Variants in SUMF1 observed in about 807,000 individuals in gnomAD.
SUMF1 encodes sulfatase modifying factor 1.
Under a neutral mutation model 47.6 loss-of-function variants are expected in SUMF1, and 48 were observed. That is an observed-to-expected ratio of 1.01 (90% CI 0.80 to 1.28). The LOEUF is 1.28. Ranked by LOEUF, SUMF1 falls within the 50% of genes most tolerant of loss-of-function variation. The probability of loss-of-function intolerance (pLI) is 0.00; values close to 1 mark genes in which losing one functional copy is unlikely to be tolerated. For missense variants in SUMF1, 571 were observed against 485.4 expected, an observed-to-expected ratio of 1.18 and a Z score of -1.66; for synonymous variants, 230 against 192.1, an observed-to-expected ratio of 1.20 and a Z score of -1.63.
intron 8 of SUMF1, among the ~76,000 whole-genome samples, chr3:4,198,695 G>C (rs553053311): frequency 2.0e-5 from 3 of 151,998 alleles, no homozygotes; most frequent in Non-Finnish European, 1.5e-5. Flanking sequence ...AGTAATTAGA[G>C]GAAGATCTGA....
chr3:4,364,498 T>C (rs1189954173), intron 8 of SUMF1, among the ~76,000 whole-genome samples: 5 of 150,354 alleles, frequency 3.3e-5, no homozygotes, highest in Admixed American at 2.0e-4. Context: ...CTAGATTTTC[T>C]AGTTTATTTG....
chr3:4,202,122 T>C (rs1695553316), intron 8 of SUMF1, among the ~76,000 whole-genome samples: 1 of 152,114 alleles, frequency 6.6e-6, no homozygotes, highest in African/African-American at 2.4e-5. Flanking sequence ...ATCTCATTTG[T>C]CCATTTTTGC....
At chr3:4,352,684 T>C (rs1202270438) in intron 8 of SUMF1, among the ~76,000 whole-genome samples, 1 of 142,094 alleles carries the variant, frequency 7.0e-6, no homozygotes, top group Non-Finnish European at 1.5e-5. Context: ...GGGTAGTCCA[T>C]GCATAGAATT....
At chr3:4,382,329 C>T (rs867273886) in intron 7 of SUMF1, among the ~76,000 whole-genome samples, 3 of 120,690 alleles carry the variant, frequency 2.5e-5, no homozygotes, top group African/African-American at 3.9e-5. Context: ...TACACACACA[C>T]ATACATGCAC....
intron 8 of SUMF1, among the ~76,000 whole-genome samples, chr3:4,217,228 G>A (rs1010704536): frequency 6.6e-6 from 1 of 151,528 alleles, no homozygotes; most frequent in Non-Finnish European, 1.5e-5. Flanking sequence ...CATGGATGAA[G>A]CTGGAAACCA....
At chr3:4,069,827 C>T (rs1695475824) in intron 8 of SUMF1, among the ~76,000 whole-genome samples, 1 of 152,094 alleles carries the variant, frequency 6.6e-6, no homozygotes, top group Non-Finnish European at 1.5e-5. Flanking sequence ...TATTTTCTTG[C>T]CACACTTTGA....
At chr3:4,297,056 G>C (rs1697867211) in intron 8 of SUMF1, among the ~76,000 whole-genome samples, 1 of 152,064 alleles carries the variant, frequency 6.6e-6, no homozygotes, top group Non-Finnish European at 1.5e-5. Context: ...CTCAGCTCCT[G>C]AATTATAAAT....
intron 8 of SUMF1, among the ~76,000 whole-genome samples, chr3:4,176,183 G>C (rs368467285): frequency 1.3e-5 from 2 of 152,060 alleles, no homozygotes; most frequent in East Asian, 1.9e-4. Context: ...AGGAAATACA[G>C]AGAACACCAC....
In SUMF1 at chr3:4,467,134, C is replaced by G; in HGVS notation, c.112G>C (p.Gly38Arg). 6.4e-7 allele frequency: 1 copy of G among 1,569,000 alleles called. No homozygotes were observed. Among genetic ancestry groups the G allele is most frequent in the Non-Finnish European group, 8.6e-7 (1 of 1,158,612 alleles). Residue 38 changes from glycine to arginine, a missense_variant, in exon 1 of 9, where the codon GGG (glycine) becomes CGG (arginine). By Grantham distance (125) the Gly-to-Arg change is moderately radical. Coordinates refer to ENST00000272902, the MANE Select transcript of SUMF1 (RefSeq NM_182760.4). ...LCGAAGSQEA[G>R]TGAGAGSLAG... ...AGGGACCCCGCGCCCGCACCGGTCC[C>G]GGCCTCCTGGCTCCCTGCCGCTCCA...
At chr3:4,376,717 A>G (rs184589715) in intron 7 of SUMF1, among the ~76,000 whole-genome samples, 81 of 152,336 alleles carry the variant, frequency 5.3e-4, no homozygotes, top group Non-Finnish European at 9.0e-4. Flanking sequence ...TTACCATGTC[A>G]TGATGCAAAT....
chr3:4,446,614 C>A (rs577953410), intron 3 of SUMF1, among the ~76,000 whole-genome samples: 1 of 152,276 alleles, frequency 6.6e-6, no homozygotes, highest in South Asian at 2.1e-4. Context: ...CATCAGGTGC[C>A]TCATGGGGAA....
intron 8 of SUMF1, among the ~76,000 whole-genome samples, chr3:4,115,766 CTTA>C (rs1693408602): frequency 6.6e-6 from 1 of 152,074 alleles, no homozygotes. Context: ...ATGAAATGGT[CTTA>C]TGTTTTATTC....
chr3:4,252,821 A>T (rs1696837130), intron 8 of SUMF1, among the ~76,000 whole-genome samples: 1 of 152,222 alleles, frequency 6.6e-6, no homozygotes, highest in Non-Finnish European at 1.5e-5. Flanking sequence ...GTGAATATTC[A>T]GGCAGTCAAT....
intron 8 of SUMF1, among the ~76,000 whole-genome samples, chr3:4,293,620 A>G (rs1697783753): frequency 6.6e-6 from 1 of 152,226 alleles, no homozygotes; most frequent in African/African-American, 2.4e-5. Context: ...AAATTATAGT[A>G]ATAACATTCG....
intron 8 of SUMF1, among the ~76,000 whole-genome samples, chr3:4,229,707 T>C (rs144585959): frequency 6.6e-6 from 1 of 152,060 alleles, no homozygotes; most frequent in African/African-American, 2.4e-5. Context: ...TTAAAAATTA[T>C]TAACAACACT....
chr3:4,456,671 T>C (rs1257244725), intron 1 of SUMF1, among the ~76,000 whole-genome samples: 5 of 144,544 alleles, frequency 3.5e-5, no homozygotes, highest in East Asian at 4.0e-4. Flanking sequence ...TATATATATA[T>C]ACGTGTATAT....
At chr3:4,099,005 A>G (rs73809306) in intron 8 of SUMF1, among the ~76,000 whole-genome samples, 22,837 of 152,144 alleles carry the variant, frequency 0.15, 3,697 homozygotes, top group African/African-American at 0.39. Context: ...TAGCGACAGT[A>G]AAGAAGACTC....
At chr3:4,094,975 TA>T (rs557051248) in intron 8 of SUMF1, among the ~76,000 whole-genome samples, 116 of 152,090 alleles carry the variant, frequency 7.6e-4, no homozygotes, top group Middle Eastern at 3.4e-3. Context: ...TCAAGAAACA[TA>T]AAACCTTATG....
In SUMF1 at chr3:4,118,935, T is replaced by C. The variant is rs534291971; in HGVS notation, c.1015-50190A>G. Reference sequence around the variant, plus strand: ...TGATTTCCAATCTGTAAGTCAATAATTGCCAAATCTGTATCCCTTGAGCTT... The same window carrying C: ...TGATTTCCAATCTGTAAGTCAATAACTGCCAAATCTGTATCCCTTGAGCTT... On this transcript the variant is annotated intron_variant and NMD_transcript_variant, in intron 8 of 12. Transcript: ENST00000448413. Among the ~76,000 whole-genome samples the C allele has an allele frequency of 4.6e-5, 7 of 152,298 alleles. No homozygotes were observed. The South Asian group carries it at 1.5e-3, about 32-fold the overall frequency.
Sources: gnomAD v4.1 joint callset for allele counts (sites outside exome capture counted in the v4.1 genomes callset) on GRCh38, gnomAD v4.1.1 for gene constraint, MANE v1.5 for transcripts, NCBI Gene and HGNC (gene_info 2026-07-23, HGNC 2026-07-21) for gene names.